CDAN1: variants seen among roughly 807,000 people sequenced by gnomAD.
CDAN1 encodes codanin 1.
A neutral mutation model predicts 139.8 loss-of-function variants in CDAN1; 107 were observed. The observed-to-expected ratio is 0.77, with a 90% CI of 0.65 to 0.90. CDAN1 has a LOEUF of 0.90. CDAN1 is among the 40% of genes least tolerant of loss of function. The pLI, the probability that CDAN1 is intolerant of heterozygous loss-of-function variation, is 0.00. For missense variants in CDAN1, 1,667 were observed against 1,575.7 expected, an observed-to-expected ratio of 1.06 and a Z score of -0.98; for synonymous variants, 776 against 660.6, an observed-to-expected ratio of 1.17 and a Z score of -2.68.
chr15:42,730,967 C>G lies in CDAN1; in HGVS notation c.1965G>C (p.Pro655=). Residue 655 remains proline, a synonymous_variant, in exon 13 of 28, where the codon CCG becomes CCC. Transcript: ENST00000356231. The part of the protein sequence containing the change: ...FLPYRGPEPP[P]TGELQDSILA... ...GAATGGAGTCCTGAAGCTCACCGGT[C>G]GGGGGAGGTTCAGGCCCCCGGTATG... is the stretch of plus-strand genomic sequence containing the variant. 1 of 1,614,016 alleles carries G rather than the reference C, an allele frequency of 6.2e-7. No individual in the cohort carries two copies. The highest frequency in any genetic ancestry group is 8.5e-7 in the Non-Finnish European group (1 of 1,179,922).
chr15:42,726,590 G>A (rs560402234), intron 23 of CDAN1, 173 bp from the exon 24 acceptor site: 1 of 611,012 alleles, frequency 1.6e-6, no homozygotes, highest in East Asian at 2.8e-5. Context: ...AATACAGCCA[G>A]GGGAAGCAAC....
chr15:42,732,747 G>A (rs2061630761), intron 9 of CDAN1, among the ~76,000 whole-genome samples: 4 of 152,186 alleles, frequency 2.6e-5, no homozygotes, highest in Non-Finnish European at 5.9e-5. Flanking sequence ...CCTGCACAGT[G>A]ACCAGACTTG....
rs2061508558 is a variant in CDAN1 at position 42,725,252 on chromosome 15, C to T, written c.3451-1G>A. ...GTAGCAAGAATAGCAGCAAGTCCCA[C>T]TGCAAAACACACCGAGGTCAGGGTT... On this transcript the variant is annotated splice_acceptor_variant, in intron 26 of 27. Transcript: ENST00000356231. LOFTEE classifies it high-confidence loss of function. The T allele has an allele frequency of 6.2e-7, 1 of 1,613,726 alleles. No homozygotes were observed. The highest frequency in any genetic ancestry group is 1.3e-5 in the African/African-American group (1 of 74,918).
At chr15:42,725,304 A>C in intron 26 of CDAN1, 53 bp from the exon 27 acceptor site, 1 of 1,555,532 alleles carries the variant, frequency 6.4e-7, no homozygotes, top group Non-Finnish European at 8.9e-7. Context: ...AGTGACCCTG[A>C]TGACAGAGAT....
At position 42,737,099 on chromosome 15, in the gene CDAN1, C is replaced by T. The variant is rs1350484823; in HGVS notation, c.4G>A (p.Ala2Thr). 1 of 1,515,756 alleles carries T rather than the reference C, an allele frequency of 6.6e-7. No homozygotes were observed. The highest frequency in any genetic ancestry group is 8.8e-7 in the Non-Finnish European group (1 of 1,130,646). The allele number at this position is 1,515,756 out of a possible 1,614,324, so 93.9% of individuals were successfully genotyped here. A position where few individuals can be genotyped will look rare whatever the true frequency, so the allele number is the denominator to read the frequency against. The stretch of plus-strand genomic sequence containing the variant: ...CGCAGCAGCGACTCCAAAACGGCCG[C>T]CATCCCGGTCGGGGCGCTCTGGGGC... M[A>T]AVLESLLREE... Residue 2 changes from alanine (A) to threonine (T), a missense_variant, in exon 1 of 28, where the codon GCG (alanine) becomes ACG (threonine). Transcript: ENST00000356231.
intron 14 of CDAN1, 44 bp downstream of exon 14, chr15:42,730,554 G>C: frequency 6.2e-7 from 1 of 1,606,782 alleles, no homozygotes; most frequent in African/African-American, 1.3e-5. Flanking sequence ...CCAATGTCCC[G>C]AGTCCCGAAT....
chr15:42,728,296 C>T (rs1301722479), intron 20 of CDAN1, 29 bp from the exon 21 acceptor site: 5 of 1,610,718 alleles, frequency 3.1e-6, no homozygotes, highest in South Asian at 1.1e-5. Context: ...GGTCAGTGAT[C>T]TCTGGGTATT....
At chr15:42,727,356 G>C in intron 23 of CDAN1, 1 of 425,390 alleles carries the variant, frequency 2.4e-6, no homozygotes, top group Non-Finnish European at 4.2e-6. Flanking sequence ...ATCACCATCT[G>C]CATAATAAGC....
At chr15:42,726,247 G>A (rs560414741) in intron 24 of CDAN1, 63 bp downstream of exon 24, 2 of 1,596,828 alleles carry the variant, frequency 1.3e-6, no homozygotes, top group Admixed American at 1.7e-5. Flanking sequence ...GTGTGGCTCT[G>A]GTTATCAGGT....
chr15:42,734,103 C>T, intron 7 of CDAN1, 56 bp from the exon 8 acceptor site: 3 of 1,596,830 alleles, frequency 1.9e-6, no homozygotes, highest in Non-Finnish European at 2.6e-6. Flanking sequence ...AAACTTCTCC[C>T]TCTTATTCTT....
At position 42,729,122 on chromosome 15, in the gene CDAN1, T is replaced by G; in HGVS notation, c.2546A>C (p.Gln849Pro). ...GTTGTGGAAAAAGGCCTGGGCGAGC[T>G]GTGCCTGGGGGGAGGAGGGAGAGGC... ...PSQTSQGLQAQLAQAFFHNQP... is the reference protein window; with the variant it reads ...PSQTSQGLQAPLAQAFFHNQP... Residue 849 changes from glutamine (Q) to proline (P), a missense_variant, in exon 19 of 28, where the codon CAG becomes CCG. Physicochemically the swap from Gln to Pro is moderately conservative, Grantham distance 76 (BLOSUM62 -1). This residue lies in a region of CDAN1 where 936 missense variants were observed against 844.1 expected (regional missense o/e 1.11). Transcript: ENST00000356231. 2 of 1,614,184 alleles carry G rather than the reference T, an allele frequency of 1.2e-6. No homozygotes were observed. The highest frequency in any genetic ancestry group is 8.5e-7 in the Non-Finnish European group (1 of 1,180,012).
Position 42,731,260 on chromosome 15 carries a change from G to A in CDAN1, c.1811C>T (p.Pro604Leu), listed in dbSNP as rs1472950818. The A allele has an allele frequency of 6.2e-7, 1 of 1,614,028 alleles. No individual in the cohort carries two copies. Among genetic ancestry groups the A allele is most frequent in the Admixed American group, 1.7e-5 (1 of 60,000 alleles). The change falls in exon 12 of 28, where the codon CCC becomes CTC. Residue 604 changes from proline (P) to leucine (L), a missense_variant. By Grantham distance (98) the Pro-to-Leu change is moderately conservative. Coordinates refer to ENST00000356231, the MANE Select transcript of CDAN1 (RefSeq NM_138477.4). ...GTCTTCATCATTGGGCTCATGCTGG[G>A]GCAGGGCAAGACCATTGAGCTCCTG... ...KIQELNGLAL[P>L]QHEPNDEDGE...
At chr15:42,729,931 C>A in intron 15 of CDAN1, 46 bp from the exon 16 acceptor site, 1 of 1,406,052 alleles carries the variant, frequency 7.1e-7, no homozygotes. Context: ...GACCCCCACC[C>A]AACCCACCCC....
chr15:42,726,249 T>G lies in CDAN1; in HGVS notation c.3204+61A>C, dbSNP rs977491664. On this transcript the variant is annotated intron_variant, in intron 24 of 27. Coordinates refer to ENST00000356231, the MANE Select transcript of CDAN1 (RefSeq NM_138477.4). ...TGGCCCTGAGCCAGTGTGGCTCTGG[T>G]TATCAGGTCTCACACAAGGACACAG... The G allele has an allele frequency of 1.5e-5, 24 of 1,594,750 alleles. No homozygotes were observed. In the East Asian group the frequency reaches 3.4e-4, roughly 22 times the overall value.
At chr15:42,725,117 C>G (rs2061505388) in intron 27 of CDAN1, 27 bp downstream of exon 27, 1 of 1,555,208 alleles carries the variant, frequency 6.4e-7, no homozygotes, top group Non-Finnish European at 8.9e-7. Context: ...TGTTCTCTCT[C>G]CACCTAAAAG....
chr15:42,724,627 T>TAGAA lies in CDAN1; in HGVS notation c.3559-15_3559-12dup, dbSNP rs1207468477. The stretch of plus-strand genomic sequence containing the variant: ...TTCTTCAGCAAAGTCCTGGAATACA[T>TAGAA]AGAAAGATGAGGGAAAAGGCAGCAT... On this transcript the variant is annotated splice_polypyrimidine_tract_variant and intron_variant, in intron 27 of 27. Coordinates refer to ENST00000356231, the MANE Select transcript of CDAN1 (RefSeq NM_138477.4). 1 of 1,551,838 alleles carries TAGAA rather than the reference T, an allele frequency of 6.4e-7. No individual in the cohort carries two copies. Among genetic ancestry groups the TAGAA allele is most frequent in the Non-Finnish European group, 8.7e-7 (1 of 1,146,926 alleles).
chr15:42,730,985 C>A lies in CDAN1; in HGVS notation c.1947G>T (p.Arg649=). ...CACCGGTCGGGGGAGGTTCAGGCCC[C>A]CGGTATGGCAGGAAAGCCACAAAGC... ...FLGFVAFLPY[R]GPEPPPTGEL... The change falls in exon 13 of 28, where the codon CGG becomes CGT. Residue 649 remains arginine, a synonymous_variant. Coordinates refer to ENST00000356231, the MANE Select transcript of CDAN1 (RefSeq NM_138477.4). 1.2e-6 allele frequency: 2 copies of A among 1,614,136 alleles called. No homozygotes were observed. Among genetic ancestry groups the A allele is most frequent in the Non-Finnish European group, 8.5e-7 (1 of 1,180,020 alleles).
chr15:42,730,100 C>T, intron 15 of CDAN1, 28 bp downstream of exon 15: 2 of 1,602,082 alleles, frequency 1.2e-6, no homozygotes, highest in East Asian at 2.2e-5. Context: ...TAGAACCTCT[C>T]TCCAATCTGG....
rs141007889 is a variant in CDAN1 at position 42,731,065 on chromosome 15, G to A, written c.1867C>T (p.Arg623Trp). The A allele has an allele frequency of 1.7e-5, 27 of 1,614,042 alleles. No homozygotes were observed. Among genetic ancestry groups the A allele is most frequent in the East Asian group, 4.5e-5 (2 of 44,894 alleles). The change falls in exon 13 of 28, where the codon CGG becomes TGG. Residue 623 changes from arginine to tryptophan, a missense_variant. By Grantham distance (101) the Arg-to-Trp change is moderately radical (BLOSUM62 -3). Transcript: ENST00000356231. ...AGAAGCACCACAGCAAATTGCTTCC[G>A]CTCACCCTGCATGGAATCAAGGGAA... ...GESDVDWQGE[R>W]KQFAVVLLSL...
Sources: gnomAD v4.1 joint callset for allele counts (sites outside exome capture counted in the v4.1 genomes callset) on GRCh38, gnomAD v4.1.1 for gene constraint, gnomAD v4.1.1 regional missense constraint, MANE v1.5 for transcripts, NCBI Gene and HGNC (gene_info 2026-07-23, HGNC 2026-07-21) for gene names.